The following AIM2 variants were observed in gnomAD, a reference collection of about 807,000 sequenced individuals.
AIM2 encodes absent in melanoma 2.
A neutral mutation model predicts 27.7 loss-of-function variants in AIM2; 30 were observed. The observed-to-expected ratio is 1.08, with a 90% CI of 0.81 to 1.47. AIM2 has a LOEUF of 1.47. Among genes scored for constraint, AIM2 ranks in the 40% most tolerant of loss-of-function variants. The pLI is 0.00. For synonymous variants in AIM2, 141 were observed against 145.3 expected (o/e 0.97, Z 0.21); for missense variants, 358 against 411.3 (o/e 0.87, Z 1.12).
chr1:159,093,581 T>G (rs992730743), intron 1 of AIM2, among the ~76,000 whole-genome samples: 7 of 152,160 alleles, frequency 4.6e-5, no homozygotes, highest in Admixed American at 3.9e-4. Flanking sequence ...GGCATATTCA[T>G]GGATACTCAT....
chr1:159,124,211 G>T lies in AIM2; in HGVS notation c.-16+16220C>A, dbSNP rs558240905. Among the ~76,000 whole-genome samples the T allele has an allele frequency of 1.3e-4, 20 of 151,988 alleles. No individual in the cohort carries two copies. In the South Asian group the frequency reaches 3.3e-3, roughly 25 times the overall value. ...TTACATCTCTTTTTTTAAAAAAAAT[G>T]ATATTTTATGGTAGTAAAACTGAGA... On this transcript the variant is annotated intron_variant, in intron 1 of 2. Coordinates refer to the AIM2 transcript ENST00000368129.
chr1:159,098,556 G>A (rs888736824), intron 1 of AIM2, among the ~76,000 whole-genome samples: 1 of 152,142 alleles, frequency 6.6e-6, no homozygotes, highest in African/African-American at 2.4e-5. Flanking sequence ...GTTCTATTGT[G>A]TATTGCTGAC....
chr1:159,127,214 AT>A (rs1445328289), intron 1 of AIM2, among the ~76,000 whole-genome samples: 2 of 152,178 alleles, frequency 1.3e-5, no homozygotes, highest in Admixed American at 1.3e-4. Flanking sequence ...CTGAGTGTTT[AT>A]TTTATTATTG....
chr1:159,072,259 C>T lies in AIM2; in HGVS notation c.262+979G>A, dbSNP rs377762678. Among the ~76,000 whole-genome samples the T allele has an allele frequency of 3.3e-5, 5 of 152,324 alleles. No individual in the cohort carries two copies. In the South Asian group the frequency reaches 8.3e-4, roughly 25 times the overall value. ...TCCTTTCTCTTTAGTGCCTTAGAAA[C>T]TACCTAACAGTTTATATCTGTATAG... On this transcript the variant is annotated intron_variant, in intron 2 of 5. Transcript: ENST00000368130.
At chr1:159,121,849 C>G (rs1647542478) in intron 1 of AIM2, among the ~76,000 whole-genome samples, 1 of 152,114 alleles carries the variant, frequency 6.6e-6, no homozygotes, top group African/African-American at 2.4e-5. Context: ...ATACCTTTTC[C>G]ACTTCCAGCA....
chr1:159,122,123 C>T (rs1647554213), intron 1 of AIM2: 1 of 152,144 alleles, frequency 6.6e-6, no homozygotes, highest in Admixed American at 6.5e-5. Flanking sequence ...AACACAGAGT[C>T]ATCTCAGGAG....
chr1:159,069,939 T>C (rs1656278485), intron 2 of AIM2, among the ~76,000 whole-genome samples: 1 of 152,246 alleles, frequency 6.6e-6, no homozygotes, highest in South Asian at 2.1e-4. Flanking sequence ...GCAGCCATAC[T>C]GGCCTTCTTT....
chr1:159,100,522 GT>G (rs1657289357), intron 1 of AIM2, among the ~76,000 whole-genome samples: 1 of 152,164 alleles, frequency 6.6e-6, no homozygotes, highest in South Asian at 2.1e-4. Flanking sequence ...AATTCTAGAT[GT>G]TCCTATTAAA....
intron 1 of AIM2, among the ~76,000 whole-genome samples, chr1:159,075,534 TACACACACACACACACACAC>T (rs55988373): frequency 0.039 from 5,071 of 129,532 alleles, 218 homozygotes; most frequent in African/African-American, 0.11. Flanking sequence ...ATACCTGCAA[TACACACACACACACACACAC>T]ACACACACAC....
At chr1:159,114,288 A>G (rs1647270596) in intron 1 of AIM2, among the ~76,000 whole-genome samples, 1 of 152,314 alleles carries the variant, frequency 6.6e-6, no homozygotes, top group Non-Finnish European at 1.5e-5. Flanking sequence ...AAGGGTTTCA[A>G]ATGGAAGAGG....
chr1:159,123,958 G>A (rs1647610899), intron 1 of AIM2, among the ~76,000 whole-genome samples: 1 of 152,168 alleles, frequency 6.6e-6, no homozygotes, highest in Admixed American at 6.5e-5. Context: ...CTATGCTAAG[G>A]AGAAAATCTG....
chr1:159,062,844 C>T, intron 5 of AIM2, 126 bp from the exon 6 acceptor site: 1 of 889,274 alleles, frequency 1.1e-6, no homozygotes, highest in Non-Finnish European at 1.8e-6. Flanking sequence ...TGTTCCCACC[C>T]TTCTAATACA....
chr1:159,113,900 C>T (rs982574570), intron 1 of AIM2, among the ~76,000 whole-genome samples: 20 of 152,212 alleles, frequency 1.3e-4, no homozygotes, highest in African/African-American at 4.6e-4. Flanking sequence ...AGAAACTTGA[C>T]TAGCTCTTAC....
chr1:159,101,195 G>A (rs1031031089), intron 1 of AIM2, among the ~76,000 whole-genome samples: 16 of 152,236 alleles, frequency 1.1e-4, no homozygotes, highest in African/African-American at 3.6e-4. Flanking sequence ...GGCAGGGGGC[G>A]GGGGTGGTTT....
chr1:159,073,652 A>C (rs1413879642), intron 1 of AIM2, 133 bp from the exon 2 acceptor site: 1 of 888,524 alleles, frequency 1.1e-6, no homozygotes, highest in Non-Finnish European at 1.7e-6. Flanking sequence ...TTTGAGTAGG[A>C]CATAGGTAAG....
chr1:159,084,592 G>A (rs79288222), intron 1 of AIM2, among the ~76,000 whole-genome samples: 10,940 of 151,946 alleles, frequency 0.072, 703 homozygotes, highest in East Asian at 0.31. Flanking sequence ...AGCAAAAAAC[G>A]GCGACCTTAT....
intron 1 of AIM2, among the ~76,000 whole-genome samples, chr1:159,128,328 G>T (rs533633485): frequency 1.6e-3 from 239 of 151,944 alleles, no homozygotes; most frequent in African/African-American, 5.4e-3. Context: ...TGACTCTGGG[G>T]TTACACGAGT....
At chr1:159,081,543 C>T (rs1340578366), upstream of AIM2, 8 of 514,806 alleles carry the variant, frequency 1.6e-5, no homozygotes, top group Non-Finnish European at 3.2e-5. Context: ...AAGTCAAAAT[C>T]CAGAGGCTCC....
intron 1 of AIM2, among the ~76,000 whole-genome samples, chr1:159,137,873 C>T (rs930290880): frequency 1.4e-4 from 22 of 152,256 alleles, no homozygotes; most frequent in African/African-American, 5.1e-4. Flanking sequence ...TGCTGGTGAA[C>T]GACATCCCTC....
Sources: allele counts gnomAD v4.1 joint callset (sites outside exome capture counted in the v4.1 genomes callset), GRCh38; gene constraint gnomAD v4.1.1; transcripts MANE v1.5; gene names NCBI Gene and HGNC (gene_info 2026-07-23, HGNC 2026-07-21).